The following PTPRN2 variants were observed in gnomAD, a reference collection of about 807,000 sequenced individuals.
PTPRN2 encodes receptor-type tyrosine-protein phosphatase N2.
PTPRN2 carries 74 observed loss-of-function variants against 118.8 expected under a neutral mutation model. The observed-to-expected ratio is 0.62, with a 90% confidence interval of 0.52 to 0.76. The LOEUF (loss-of-function observed/expected upper bound fraction) is 0.76. Ranked by LOEUF, PTPRN2 falls within the 30% of genes least tolerant of loss-of-function variation. PTPRN2 has a pLI of 0.00. For missense variants in PTPRN2, 1,481 were observed against 1,394.4 expected (o/e 1.06, Z -0.99); for synonymous variants, 641 against 608.0 (o/e 1.05, Z -0.80).
intron 12 of PTPRN2, among the ~76,000 whole-genome samples, chr7:157,800,312 C>A (rs1805182864): frequency 6.6e-6 from 1 of 152,210 alleles, no homozygotes; most frequent in South Asian, 2.1e-4. Context: ...CATCACTGTG[C>A]CCTCTTCTCC....
At chr7:158,081,815 G>C (rs1812864739) in intron 10 of PTPRN2, among the ~76,000 whole-genome samples, 1 of 152,146 alleles carries the variant, frequency 6.6e-6, no homozygotes, top group South Asian at 2.1e-4. Flanking sequence ...AACTACCAAA[G>C]TCATTAAGAA....
At chr7:157,900,419 G>A (rs1356078978) in intron 11 of PTPRN2, among the ~76,000 whole-genome samples, 3 of 152,232 alleles carry the variant, frequency 2.0e-5, no homozygotes, top group Non-Finnish European at 4.4e-5. Flanking sequence ...TGCCCAGGGT[G>A]TCACGAGCAG....
At chr7:157,817,369 G>A (rs182206733) in intron 12 of PTPRN2, among the ~76,000 whole-genome samples, 102 of 152,236 alleles carry the variant, frequency 6.7e-4, no homozygotes, top group African/African-American at 2.4e-3. Context: ...TTTTGACTGT[G>A]CCTCCCAGCA....
chr7:158,064,798 T>C (rs957445928), intron 11 of PTPRN2, among the ~76,000 whole-genome samples: 1 of 151,962 alleles, frequency 6.6e-6, no homozygotes, highest in African/African-American at 2.4e-5. Context: ...TCAACCCCAT[T>C]CTCCTCCAAG....
At chr7:158,116,149 C>T (rs1449025216) in intron 9 of PTPRN2, among the ~76,000 whole-genome samples, 1 of 152,204 alleles carries the variant, frequency 6.6e-6, no homozygotes, top group East Asian at 1.9e-4. Context: ...GCATTAACTG[C>T]ATGAATGAAT....
In PTPRN2 at chr7:158,522,419, C is replaced by CGGG. The variant is rs1563390272; in HGVS notation, c.113-32635_113-32634insCCC. On this transcript the variant is annotated intron_variant, in intron 1 of 22. Coordinates refer to ENST00000389418, the MANE Select transcript of PTPRN2 (RefSeq NM_002847.5). The stretch of plus-strand genomic sequence containing the variant: ...ATGGTGGACTGTCCAGGTGCTGGCT[C>CGGG]AGGGGGAAGGTCCACATCGGAATGG... Among the ~76,000 whole-genome samples, 4 of 150,854 alleles carry CGGG rather than the reference C, an allele frequency of 2.7e-5. 1 individual carries two copies. The highest frequency in any genetic ancestry group is 6.6e-5 in the Admixed American group (1 of 15,230).
chr7:157,726,174 T>G lies in PTPRN2; in HGVS notation c.1789-43237A>C, dbSNP rs1284617953. Among the ~76,000 whole-genome samples, 11 of 67,712 alleles carry G rather than the reference T, an allele frequency of 1.6e-4. No individual in the cohort carries two copies. In the South Asian group the frequency reaches 2.9e-3, roughly 18 times the overall value. The allele number at this position is 67,712 out of a possible 152,430, so 44.4% of individuals were successfully genotyped here. A position where few individuals can be genotyped will look rare whatever the true frequency, so the allele number is the denominator to read the frequency against. On this transcript the variant is annotated intron_variant, in intron 12 of 22. Transcript: ENST00000389418. Reference sequence around the variant, plus strand: ...CTCCCAGGAAAACTGGATATCCACATGCAGAGGAATGAGCCAGACTCTCGC... The same window carrying G: ...CTCCCAGGAAAACTGGATATCCACAGGCAGAGGAATGAGCCAGACTCTCGC...
intron 11 of PTPRN2, among the ~76,000 whole-genome samples, chr7:158,010,033 A>C (rs926405138): frequency 2.6e-5 from 4 of 151,704 alleles, no homozygotes; most frequent in African/African-American, 9.7e-5. Context: ...CTCCACCCTC[A>C]CTTCCAGCCA....
At position 158,113,865 on chromosome 7, in the gene PTPRN2, C is replaced by T. The variant is rs1015758105; in HGVS notation, c.1557-2950G>A. On this transcript the variant is annotated intron_variant, in intron 9 of 22. Transcript: ENST00000389418. Reference sequence around the variant, plus strand: ...CGTAGCAATCCGGGACCAGCTGGGGCACAGGCCGCCTTCCACTCAGGGAGG... The same window carrying T: ...CGTAGCAATCCGGGACCAGCTGGGGTACAGGCCGCCTTCCACTCAGGGAGG... Among the ~76,000 whole-genome samples the T allele has an allele frequency of 3.9e-5, 6 of 152,148 alleles. No individual in the cohort carries two copies. The South Asian group carries it at 6.2e-4, about 16-fold the overall frequency.
chr7:157,875,964 A>T (rs371190809), intron 12 of PTPRN2, among the ~76,000 whole-genome samples: 1 of 149,080 alleles, frequency 6.7e-6, no homozygotes, highest in Admixed American at 6.7e-5. Flanking sequence ...CAGGCCAGGC[A>T]TCCCCAGGGC....
Position 157,711,408 on chromosome 7 carries a change from G to A in PTPRN2, c.1789-28471C>T, listed in dbSNP as rs1028362044. ...GAGAGCCCCACGCGCCGGAGGTTCC[G>A]GGGCAGCCGGGTTACACGCGAGAGC... On this transcript the variant is annotated intron_variant, in intron 12 of 22. Coordinates refer to ENST00000389418, the MANE Select transcript of PTPRN2 (RefSeq NM_002847.5). 1.4e-5 allele frequency among the ~76,000 whole-genome samples: 2 copies of A among 143,024 alleles called. 1 individual carries two copies. Among genetic ancestry groups the A allele is most frequent in the African/African-American group, 5.2e-5 (2 of 38,566 alleles). The allele number at this position is 143,024 out of a possible 152,430, so 93.8% of individuals were successfully genotyped here.
Position 158,555,168 on chromosome 7 carries a change from C to T in PTPRN2, c.112+32390G>A, listed in dbSNP as rs1826892870. 6.6e-6 allele frequency among the ~76,000 whole-genome samples: 1 copy of T among 152,186 alleles called. No homozygotes were observed. The highest frequency in any genetic ancestry group is 1.5e-5 in the Non-Finnish European group (1 of 68,028). On this transcript the variant is annotated intron_variant, in intron 1 of 22. Coordinates refer to ENST00000389418, the MANE Select transcript of PTPRN2 (RefSeq NM_002847.5). This position sits in a 1 kb window ranked among gnomAD's most constrained non-coding sequence, Gnocchi z 4.7. ...GATCTCCGGTGCTCAGCAGACTGAT[C>T]TACTGCAAATCACCCCCGACGCAAC...
chr7:157,640,663 A>G (rs1469683516), intron 14 of PTPRN2, among the ~76,000 whole-genome samples: 1 of 152,198 alleles, frequency 6.6e-6, no homozygotes, highest in Non-Finnish European at 1.5e-5. Flanking sequence ...AACCACCATC[A>G]GACATAGCGA....
At chr7:158,299,005 C>A (rs1472675849) in intron 3 of PTPRN2, among the ~76,000 whole-genome samples, 1 of 152,140 alleles carries the variant, frequency 6.6e-6, no homozygotes, top group Non-Finnish European at 1.5e-5. Flanking sequence ...AAGGAGGGTG[C>A]AGCTCAGCCC....
At chr7:157,841,344 C>A (rs1808405409) in intron 12 of PTPRN2, among the ~76,000 whole-genome samples, 1 of 152,238 alleles carries the variant, frequency 6.6e-6, no homozygotes, top group Non-Finnish European at 1.5e-5. Context: ...TGCAGAGCCC[C>A]ACATGGTGGG....
chr7:158,294,062 A>G (rs1800298797), intron 3 of PTPRN2, among the ~76,000 whole-genome samples: 1 of 152,164 alleles, frequency 6.6e-6, no homozygotes, highest in African/African-American at 2.4e-5. Context: ...CTAGACTTTC[A>G]TACAAGTGGG....
At chr7:157,839,288 A>G (rs1188662671) in intron 12 of PTPRN2, among the ~76,000 whole-genome samples, 1 of 152,218 alleles carries the variant, frequency 6.6e-6, no homozygotes. Context: ...CTGTGAGTGC[A>G]TGTTCATCAC....
rs537064571 is a variant in PTPRN2 at position 157,607,712 on chromosome 7, G to A, written c.2345-3637C>T. Among the ~76,000 whole-genome samples the A allele has an allele frequency of 4.6e-5, 7 of 152,348 alleles. No homozygotes were observed. The South Asian group carries it at 6.2e-4, about 14-fold the overall frequency. On this transcript the variant is annotated intron_variant, in intron 15 of 22. Coordinates refer to ENST00000389418, the MANE Select transcript of PTPRN2 (RefSeq NM_002847.5). ...CTGTGAGCAACAGGCCACGGGGAAA[G>A]TGGCCACTGCCATTGGACTCAGCAG...
Position 158,016,442 on chromosome 7 carries a change from T to C in PTPRN2, c.1723+64856A>G, listed in dbSNP as rs982029496. ...AGAAGGGGCCACTCAGGGGCCTCCC[T>C]GTCCGAGGCGCGGAGCCCAGCATGG... On this transcript the variant is annotated intron_variant, in intron 11 of 22. Transcript: ENST00000389418. Among the ~76,000 whole-genome samples, 16 of 152,342 alleles carry C rather than the reference T, an allele frequency of 1.1e-4. 1 individual carries two copies. The highest frequency in any genetic ancestry group is 3.9e-4 in the Admixed American group (6 of 15,306).
Sources: gnomAD v4.1 joint callset for allele counts (sites outside exome capture counted in the v4.1 genomes callset) on GRCh38, gnomAD v4.1.1 for gene constraint, Gnocchi (gnomAD v3.1) non-coding constraint, MANE v1.5 for transcripts, NCBI Gene and HGNC (gene_info 2026-07-23, HGNC 2026-07-21) for gene names.